Variants in TENM4 observed in about 807,000 individuals in gnomAD.
TENM4 encodes teneurin-4.
Under a neutral mutation model 243.3 loss-of-function variants are expected in TENM4, and 82 were observed. That is an observed-to-expected ratio of 0.34 (90% CI 0.28 to 0.40). The LOEUF (loss-of-function observed/expected upper bound fraction) is 0.40. Ranked by LOEUF, TENM4 falls within the 10% of genes least tolerant of loss-of-function variation. The pLI is 1.00. For missense variants in TENM4, 3,138 were observed against 3,673.3 expected, an observed-to-expected ratio of 0.85 and a Z score of 3.77; for synonymous variants, 1,412 against 1,456.3, an observed-to-expected ratio of 0.97 and a Z score of 0.69.
chr11:79,427,298 T>C (rs1234437248), intron 1 of TENM4, among the ~76,000 whole-genome samples: 1 of 152,084 alleles, frequency 6.6e-6, no homozygotes, highest in Non-Finnish European at 1.5e-5. Flanking sequence ...CTGAAGAAAA[T>C]AAACAGACAA....
intron 2 of TENM4, among the ~76,000 whole-genome samples, chr11:79,245,034 C>T (rs1453015503): frequency 6.6e-6 from 1 of 152,234 alleles, no homozygotes; most frequent in Non-Finnish European, 1.5e-5. Context: ...CTAAACTTCA[C>T]AGCCCTTTAT....
At chr11:79,098,276 A>G (rs1001292373) in intron 4 of TENM4, among the ~76,000 whole-genome samples, 3 of 140,402 alleles carry the variant, frequency 2.1e-5, no homozygotes, top group Non-Finnish European at 4.5e-5. Context: ...TGATCACATC[A>G]CTCCCAGCTC....
At chr11:79,111,503 C>T (rs1337212681) in intron 4 of TENM4, among the ~76,000 whole-genome samples, 1 of 152,172 alleles carries the variant, frequency 6.6e-6, no homozygotes, top group Non-Finnish European at 1.5e-5. Context: ...CGAGATGGCG[C>T]TGCTGCACTC....
chr11:78,784,980 C>G (rs1414039996), intron 16 of TENM4, among the ~76,000 whole-genome samples: 4 of 151,618 alleles, frequency 2.6e-5, no homozygotes, highest in African/African-American at 9.7e-5. Flanking sequence ...GTAAGATGAG[C>G]TGAGGACTCT....
chr11:79,226,726 G>T (rs774344163), intron 2 of TENM4, among the ~76,000 whole-genome samples: 1 of 152,054 alleles, frequency 6.6e-6, no homozygotes, highest in Non-Finnish European at 1.5e-5. Flanking sequence ...AGACTTTACC[G>T]CCCCCTCCCC....
rs145521976 is a variant in TENM4 at position 79,352,988 on chromosome 11, C to T, written c.-320-55445G>A. On this transcript the variant is annotated intron_variant, in intron 1 of 33. Coordinates refer to ENST00000278550, the MANE Select transcript of TENM4 (RefSeq NM_001098816.3). Reference sequence around the variant, plus strand: ...AAAATGACAGAGAGACACAGGCAGACGGATACCCTCATTGGCAAGGCTGGC... The same window carrying T: ...AAAATGACAGAGAGACACAGGCAGATGGATACCCTCATTGGCAAGGCTGGC... Among the ~76,000 whole-genome samples the T allele has an allele frequency of 2.0e-3, 304 of 152,204 alleles. 2 individuals are homozygous for T. Among genetic ancestry groups the T allele is most frequent in the African/African-American group, 6.8e-3 (282 of 41,528 alleles).
chr11:78,657,414 A>G lies in TENM4; in HGVS notation c.*644T>C, dbSNP rs1857922560. 7.8e-6 allele frequency: 3 copies of G among 386,416 alleles called. No individual in the cohort carries two copies. The highest frequency in any genetic ancestry group is 1.4e-5 in the Non-Finnish European group (3 of 218,974). 23.9% of individuals were successfully genotyped at this position (386,416 alleles called of 1,614,324 possible). A position where few individuals can be genotyped will look rare whatever the true frequency, so the allele number is the denominator to read the frequency against. On this transcript the variant is annotated 3_prime_UTR_variant, in exon 34 of 34. Transcript: ENST00000278550. ...CATCAAAATAGAAAGCTTGAACAGG[A>G]GTTTGGGGCAGCTTAAAAAAGGTGC... is the stretch of plus-strand genomic sequence containing the variant.
intron 1 of TENM4, among the ~76,000 whole-genome samples, chr11:79,356,428 T>C (rs1358040221): frequency 6.6e-6 from 1 of 152,184 alleles, no homozygotes; most frequent in African/African-American, 2.4e-5. Context: ...TGTAGAGTCA[T>C]CACCACTACT....
At chr11:79,253,521 C>A (rs770706782) in intron 2 of TENM4, among the ~76,000 whole-genome samples, 1 of 152,166 alleles carries the variant, frequency 6.6e-6, no homozygotes, top group Non-Finnish European at 1.5e-5. Context: ...GTCGAGGAAG[C>A]CCTCATCTAA....
At chr11:79,110,065 T>C (rs564990358) in intron 4 of TENM4, among the ~76,000 whole-genome samples, 112 of 152,330 alleles carry the variant, frequency 7.4e-4, no homozygotes, top group Non-Finnish European at 1.3e-3. Flanking sequence ...AAACCTAGTT[T>C]AAATATCATC....
At chr11:79,303,293 T>C (rs1214053091) in intron 1 of TENM4, among the ~76,000 whole-genome samples, 2 of 152,230 alleles carry the variant, frequency 1.3e-5, no homozygotes, top group Non-Finnish European at 2.9e-5. Flanking sequence ...CCCCTGGTTC[T>C]ATTTCCTCCT....
At chr11:79,284,513 G>T (rs977733230) in intron 2 of TENM4, among the ~76,000 whole-genome samples, 1 of 152,168 alleles carries the variant, frequency 6.6e-6, no homozygotes, top group African/African-American at 2.4e-5. Flanking sequence ...AAAGAATGAA[G>T]TTTGCTCCAG....
At chr11:78,772,673 GTGTTCCCAGGACTTTTGATAGTTGAC>G (rs1463280649) in intron 17 of TENM4, among the ~76,000 whole-genome samples, 1,892 of 152,264 alleles carry the variant, frequency 0.012, 53 homozygotes, top group African/African-American at 0.044. Flanking sequence ...TAAAACTTGA[GTGTTCCCAGGACTTTTGATAGTTGAC>G]TGTTATTCCA....
chr11:78,660,917 G>A (rs1161693023), intron 33 of TENM4, among the ~76,000 whole-genome samples: 1 of 152,216 alleles, frequency 6.6e-6, no homozygotes, highest in African/African-American at 2.4e-5. Flanking sequence ...AGCACCTACA[G>A]TATGCCAGGC....
chr11:79,013,804 C>G (rs1858707866), intron 6 of TENM4, among the ~76,000 whole-genome samples: 7 of 152,174 alleles, frequency 4.6e-5, no homozygotes, highest in Admixed American at 4.6e-4. Flanking sequence ...CTGCTGGGCA[C>G]CCTCCAAAGG....
At chr11:79,207,059 A>G (rs1271762475) in intron 3 of TENM4, among the ~76,000 whole-genome samples, 2 of 152,142 alleles carry the variant, frequency 1.3e-5, no homozygotes, top group Non-Finnish European at 2.9e-5. Flanking sequence ...GAATGGTGAC[A>G]TATGCTGGGA....
chr11:79,045,512 G>A (rs1348033572), intron 6 of TENM4, among the ~76,000 whole-genome samples: 1 of 152,124 alleles, frequency 6.6e-6, no homozygotes, highest in Admixed American at 6.5e-5. Context: ...GCTTTTAGGA[G>A]GAGAGAGACA....
chr11:78,857,642 A>C (rs1484402417), intron 10 of TENM4, among the ~76,000 whole-genome samples: 1 of 152,236 alleles, frequency 6.6e-6, no homozygotes, highest in East Asian at 1.9e-4. Context: ...ACTATCAATA[A>C]AAGTACCACT....
At chr11:79,246,663 A>G (rs967709233) in intron 2 of TENM4, among the ~76,000 whole-genome samples, 2 of 152,198 alleles carry the variant, frequency 1.3e-5, no homozygotes, top group Non-Finnish European at 2.9e-5. Flanking sequence ...AGATACAGAG[A>G]GATATGTATT....
Sources: allele counts gnomAD v4.1 joint callset (sites outside exome capture counted in the v4.1 genomes callset), GRCh38; gene constraint gnomAD v4.1.1; transcripts MANE v1.5; gene names NCBI Gene and HGNC (gene_info 2026-07-23, HGNC 2026-07-21).